The following MBNL1 variants were observed in gnomAD, a reference collection of about 807,000 sequenced individuals.
MBNL1 encodes muscleblind like splicing regulator 1, also known as muscleblind-like protein 1.
MBNL1 carries 8 observed loss-of-function variants against 42.2 expected under a neutral mutation model. That is an observed-to-expected ratio of 0.19 (90% CI 0.11 to 0.34). MBNL1 has a LOEUF of 0.34. Ranked by LOEUF, MBNL1 falls within the 10% of genes least tolerant of loss-of-function variation. MBNL1 has a pLI of 1.00. For missense variants in MBNL1, 309 were observed against 495.3 expected, an observed-to-expected ratio of 0.62 and a Z score of 3.57; for synonymous variants, 169 against 173.9, an observed-to-expected ratio of 0.97 and a Z score of 0.22.
intron 2 of MBNL1, among the ~76,000 whole-genome samples, chr3:152,363,413 T>A (rs1376271601): frequency 1.3e-5 from 2 of 152,134 alleles, no homozygotes; most frequent in Non-Finnish European, 2.9e-5. Context: ...TGTGCTATGA[T>A]CATTAAGTTG....
At chr3:152,308,247 A>T (rs1362963481) in intron 2 of MBNL1, among the ~76,000 whole-genome samples, 1 of 152,088 alleles carries the variant, frequency 6.6e-6, no homozygotes, top group Non-Finnish European at 1.5e-5. Context: ...GTGTTATCTT[A>T]TCATAAATCT....
At chr3:152,396,536 C>A (rs528274584) in intron 2 of MBNL1, among the ~76,000 whole-genome samples, 1 of 152,302 alleles carries the variant, frequency 6.6e-6, no homozygotes, top group African/African-American at 2.4e-5. Context: ...TTACTCATAT[C>A]ATCATTTCAG....
chr3:152,303,144 T>C (rs2061429929), intron 2 of MBNL1, among the ~76,000 whole-genome samples: 1 of 152,158 alleles, frequency 6.6e-6, no homozygotes, highest in African/African-American at 2.4e-5. Context: ...TGCATACTGA[T>C]GATTTTAAGG....
At chr3:152,307,973 T>C (rs545305839) in intron 2 of MBNL1, among the ~76,000 whole-genome samples, 2 of 152,164 alleles carry the variant, frequency 1.3e-5, no homozygotes, top group Non-Finnish European at 2.9e-5. Flanking sequence ...GTAAAATATA[T>C]GGCCATATAG....
At chr3:152,451,019 A>G (rs1041080555) in intron 6 of MBNL1, among the ~76,000 whole-genome samples, 1 of 152,220 alleles carries the variant, frequency 6.6e-6, no homozygotes, top group African/African-American at 2.4e-5. Context: ...TAGATGATCA[A>G]GGAATCCGAT....
At chr3:152,417,645 C>T (rs1347553290) in intron 3 of MBNL1, among the ~76,000 whole-genome samples, 2 of 151,944 alleles carry the variant, frequency 1.3e-5, no homozygotes, top group Non-Finnish European at 2.9e-5. Context: ...TGGCATATAG[C>T]AGAGATCAAT....
chr3:152,313,026 CTT>C (rs5853576), intron 2 of MBNL1, among the ~76,000 whole-genome samples: 2 of 146,678 alleles, frequency 1.4e-5, no homozygotes, highest in African/African-American at 2.5e-5. Context: ...CAAGTGAAAA[CTT>C]TTTTTTTTTT....
At chr3:152,318,651 C>G (rs1292898730) in intron 2 of MBNL1, among the ~76,000 whole-genome samples, 1 of 152,146 alleles carries the variant, frequency 6.6e-6, no homozygotes, top group Non-Finnish European at 1.5e-5. Flanking sequence ...CCAGCAGCAA[C>G]TGTTCACCCA....
At chr3:152,266,258 G>A (rs2037211559), upstream of MBNL1, 1 of 152,026 alleles carries the variant, frequency 6.6e-6, no homozygotes, top group Admixed American at 6.6e-5. Flanking sequence ...TATTTACCAG[G>A]ATGGTTATTC....
At chr3:152,339,584 C>T (rs2092553721) in intron 2 of MBNL1, 1 of 151,980 alleles carries the variant, frequency 6.6e-6, no homozygotes, top group Non-Finnish European at 1.5e-5. Context: ...TTTAGGTCTT[C>T]TTTTTTTCGC....
At chr3:152,397,548 T>A (rs1265745814) in intron 2 of MBNL1, among the ~76,000 whole-genome samples, 1 of 152,242 alleles carries the variant, frequency 6.6e-6, no homozygotes, top group African/African-American at 2.4e-5. Flanking sequence ...CATCCTTTTT[T>A]ATGGCTGCAT....
upstream of MBNL1, chr3:152,268,464 T>G (rs2037876791): frequency 3.2e-6 from 1 of 309,126 alleles, no homozygotes; most frequent in Non-Finnish European, 6.3e-6. Flanking sequence ...ACCTTCAATC[T>G]AACCTTGCCG....
chr3:152,371,166 T>C (rs2096645142), intron 2 of MBNL1, among the ~76,000 whole-genome samples: 1 of 152,220 alleles, frequency 6.6e-6, no homozygotes, highest in Non-Finnish European at 1.5e-5. Flanking sequence ...TAGTGCTTCC[T>C]TCAGAAGATC....
At chr3:152,322,905 G>C (rs1328909352) in intron 2 of MBNL1, among the ~76,000 whole-genome samples, 1 of 152,044 alleles carries the variant, frequency 6.6e-6, no homozygotes, top group African/African-American at 2.4e-5. Context: ...GCATGAGACA[G>C]TGCTAGTGAA....
chr3:152,449,553 C>A (rs1361036806), intron 6 of MBNL1, among the ~76,000 whole-genome samples: 2 of 152,014 alleles, frequency 1.3e-5, no homozygotes, highest in African/African-American at 2.4e-5. Context: ...GGTATGATGA[C>A]CCTTACTTGT....
chr3:152,449,956 T>G (rs1487244843), intron 6 of MBNL1, among the ~76,000 whole-genome samples: 2 of 151,914 alleles, frequency 1.3e-5, no homozygotes, highest in African/African-American at 2.4e-5. Context: ...AATCCAAAAA[T>G]TAGCCGGATG....
chr3:152,387,282 T>A (rs931445383), intron 2 of MBNL1, among the ~76,000 whole-genome samples: 30 of 151,488 alleles, frequency 2.0e-4, no homozygotes, highest in Non-Finnish European at 4.3e-4. Flanking sequence ...TTTATATCAC[T>A]GCGGTAGCAT....
intron 2 of MBNL1, chr3:152,339,798 G>T (rs1350677891): frequency 1.3e-5 from 2 of 152,042 alleles, no homozygotes; most frequent in East Asian, 1.9e-4. Flanking sequence ...TATTAAGGAT[G>T]CTTTTTATTT....
intron 2 of MBNL1, among the ~76,000 whole-genome samples, chr3:152,330,436 A>G (rs908833584): frequency 6.6e-6 from 1 of 152,136 alleles, no homozygotes; most frequent in South Asian, 2.1e-4. Context: ...CAGGACAAAA[A>G]TCTGCCCATT....
Sources: allele counts gnomAD v4.1 joint callset (sites outside exome capture counted in the v4.1 genomes callset), GRCh38; gene constraint gnomAD v4.1.1; transcripts MANE v1.5; gene names NCBI Gene and HGNC (gene_info 2026-07-23, HGNC 2026-07-21).